The following AFG1L variants were observed in gnomAD, a reference collection of about 807,000 sequenced individuals.
AFG1L encodes AFG1-like ATPase.
In AFG1L, 53 loss-of-function variants were observed where a neutral mutation model predicts 62.2. That is an observed-to-expected ratio of 0.85 (90% CI 0.68 to 1.07). The LOEUF is 1.07. Among genes scored for constraint, AFG1L ranks in the 50% least tolerant of loss-of-function variants. The pLI, the probability that AFG1L is intolerant of heterozygous loss-of-function variation, is 0.00. For synonymous variants in AFG1L, 228 were observed against 210.3 expected (o/e 1.08, Z -0.73); for missense variants, 555 against 590.5 (o/e 0.94, Z 0.62).
chr6:108,492,836 A>G (rs527633943), intron 10 of AFG1L, among the ~76,000 whole-genome samples: 1 of 152,094 alleles, frequency 6.6e-6, no homozygotes, highest in East Asian at 1.9e-4. Context: ...TTATGACTTT[A>G]AAGGGTGAAT....
chr6:108,452,784 G>A (rs1772106614), intron 8 of AFG1L, among the ~76,000 whole-genome samples: 2 of 152,180 alleles, frequency 1.3e-5, no homozygotes, highest in Non-Finnish European at 2.9e-5. Context: ...GGAGTGGAGG[G>A]GAGGGTGTTT....
chr6:108,392,143 G>A (rs1037125944), intron 6 of AFG1L: 10 of 152,048 alleles, frequency 6.6e-5, no homozygotes, highest in Admixed American at 5.2e-4. Context: ...TTCTGCACAA[G>A]GATAAGTTTT....
At chr6:108,512,234 C>A (rs574233531) in intron 11 of AFG1L, among the ~76,000 whole-genome samples, 3 of 152,262 alleles carry the variant, frequency 2.0e-5, no homozygotes, top group African/African-American at 7.2e-5. Flanking sequence ...AAATGGGTAA[C>A]CAGCATGGGG....
chr6:108,317,660 G>C (rs946842911), intron 1 of AFG1L, among the ~76,000 whole-genome samples: 1 of 152,148 alleles, frequency 6.6e-6, no homozygotes, highest in Non-Finnish European at 1.5e-5. Context: ...TTTTATTCTT[G>C]TAGGCTTTCA....
At chr6:108,508,731 G>T (rs776936994) in intron 10 of AFG1L, among the ~76,000 whole-genome samples, 1 of 152,170 alleles carries the variant, frequency 6.6e-6, no homozygotes, top group Non-Finnish European at 1.5e-5. Flanking sequence ...CAGCTGGTTG[G>T]TAGGAGAGTG....
intron 6 of AFG1L, among the ~76,000 whole-genome samples, chr6:108,397,089 C>T (rs1308265310): frequency 5.3e-5 from 8 of 151,854 alleles, no homozygotes; most frequent in Non-Finnish European, 7.4e-5. Context: ...AGGGCAGTGG[C>T]GTGGTCTCAG....
chr6:108,300,259 CTGTCT>C (rs952248413), intron 1 of AFG1L, among the ~76,000 whole-genome samples: 1 of 152,110 alleles, frequency 6.6e-6, no homozygotes, highest in African/African-American at 2.4e-5. Context: ...AGCGATTCTC[CTGTCT>C]CAGCTTCCTA....
At chr6:108,444,001 C>T (rs1468037192) in intron 7 of AFG1L, among the ~76,000 whole-genome samples, 1 of 151,978 alleles carries the variant, frequency 6.6e-6, no homozygotes, top group Non-Finnish European at 1.5e-5. Flanking sequence ...ATAGTTGTTT[C>T]TTGACTTGTC....
At chr6:108,495,760 T>C (rs1378839162) in intron 10 of AFG1L, among the ~76,000 whole-genome samples, 1 of 152,236 alleles carries the variant, frequency 6.6e-6, no homozygotes, top group Non-Finnish European at 1.5e-5. Flanking sequence ...TTTAAAGTTC[T>C]TTAAGTTTTC....
At chr6:108,387,707 T>G (rs1164071491) in intron 6 of AFG1L, 2 of 152,228 alleles carry the variant, frequency 1.3e-5, no homozygotes, top group African/African-American at 4.8e-5. Flanking sequence ...TTTTTTTTCT[T>G]TCTTGTATCA....
chr6:108,519,306 G>T (rs1477644569), intron 11 of AFG1L, among the ~76,000 whole-genome samples: 1 of 152,184 alleles, frequency 6.6e-6, no homozygotes, highest in Non-Finnish European at 1.5e-5. Context: ...TCTTAATCCT[G>T]TTGCATTGTG....
intron 8 of AFG1L, among the ~76,000 whole-genome samples, chr6:108,455,449 G>A (rs146231274): frequency 9.2e-5 from 14 of 152,170 alleles, no homozygotes; most frequent in African/African-American, 2.9e-4. Context: ...AACTGCTTTT[G>A]TTGTGTTGAT....
intron 1 of AFG1L, among the ~76,000 whole-genome samples, chr6:108,316,854 T>A (rs935949169): frequency 3.9e-5 from 6 of 152,124 alleles, no homozygotes; most frequent in Admixed American, 2.0e-4. Context: ...TTAACAGATA[T>A]ATATGTTCTA....
At chr6:108,336,811 CTAAA>C (rs1483271452) in intron 2 of AFG1L, among the ~76,000 whole-genome samples, 1 of 152,136 alleles carries the variant, frequency 6.6e-6, no homozygotes, top group African/African-American at 2.4e-5. Flanking sequence ...AATTTTCTCT[CTAAA>C]TATCTTATTT....
chr6:108,502,267 G>A (rs540772916), intron 10 of AFG1L, among the ~76,000 whole-genome samples: 9 of 151,936 alleles, frequency 5.9e-5, no homozygotes, highest in Admixed American at 1.3e-4. Context: ...GTGCAATGGC[G>A]TGATCTCGGC....
rs1775166985 is a variant in AFG1L at position 108,522,596 on chromosome 6, T to C, written c.*171T>C. 1 of 550,794 alleles carries C rather than the reference T, an allele frequency of 1.8e-6. No individual in the cohort carries two copies. The highest frequency in any genetic ancestry group is 1.9e-5 in the African/African-American group (1 of 52,316). The allele number at this position is 550,794 out of a possible 1,614,324, so 34.1% of individuals were successfully genotyped here. ...TCTAGTGGATTAGTAAGTTAAACAC[T>C]TAACATTTTTTAGGTCTGCTTTTTC... On this transcript the variant is annotated 3_prime_UTR_variant, in exon 13 of 13. Coordinates refer to ENST00000368977, the MANE Select transcript of AFG1L (RefSeq NM_145315.5).
chr6:108,296,210 C>T (rs1269742025), intron 1 of AFG1L, among the ~76,000 whole-genome samples: 1 of 152,116 alleles, frequency 6.6e-6, no homozygotes, highest in Non-Finnish European at 1.5e-5. Context: ...TAGCATAATG[C>T]ATTTAGTATA....
chr6:108,369,196 T>C lies in AFG1L; in HGVS notation c.748+2864T>C, dbSNP rs1171647591. 3.9e-5 allele frequency among the ~76,000 whole-genome samples: 6 copies of C among 152,132 alleles called. No homozygotes were observed. The East Asian group carries it at 9.6e-4, about 24-fold the overall frequency. ...AGAGGTAAAACTGTAAGACGAAGAA[T>C]GAAGCAGTGATTGCCAAGGTCCAGG... is the stretch of plus-strand genomic sequence containing the variant. On this transcript the variant is annotated intron_variant, in intron 6 of 12. Transcript: ENST00000368977.
chr6:108,422,827 T>G (rs1398972490), intron 7 of AFG1L, among the ~76,000 whole-genome samples: 1 of 152,080 alleles, frequency 6.6e-6, no homozygotes, highest in Non-Finnish European at 1.5e-5. Flanking sequence ...AGCATTGCCC[T>G]GCTTTAGAGT....
Sources: allele counts gnomAD v4.1 joint callset (sites outside exome capture counted in the v4.1 genomes callset), GRCh38; gene constraint gnomAD v4.1.1; transcripts MANE v1.5; gene names NCBI Gene and HGNC (gene_info 2026-07-23, HGNC 2026-07-21).